NAA15: variants seen among roughly 807,000 people sequenced by gnomAD.
NAA15 encodes N-terminal acetyltransferase.
Under a neutral mutation model 114.0 loss-of-function variants are expected in NAA15, and 34 were observed. The ratio of observed to expected loss-of-function variants is 0.30; its 90% CI spans 0.23 to 0.40. The LOEUF (loss-of-function observed/expected upper bound fraction) is 0.40, where lower values mean the gene tolerates loss of function less well. Among genes scored for constraint, NAA15 ranks in the 10% least tolerant of loss-of-function variants. The pLI is 1.00. For synonymous variants in NAA15, 340 were observed against 338.0 expected, an observed-to-expected ratio of 1.01 and a Z score of -0.06; for missense variants, 658 against 1,004.5, an observed-to-expected ratio of 0.66 and a Z score of 4.66.
In NAA15 at chr4:139,351,542, G is replaced by A. The variant is rs1265025814; in HGVS notation, c.945G>A (p.Arg315=). ...KFKECLDKFL[R]MNFSKGCPPV... ...AAGAATGTTTGGATAAGTTCCTAAG[G>A]ATGAATTTCAGCAAGGGTTGCCCAC... is the stretch of plus-strand genomic sequence containing the variant. The change falls in exon 9 of 20, where the codon AGG becomes AGA. Residue 315 remains arginine, a synonymous_variant. Transcript: ENST00000296543. 1 of 1,607,168 alleles carries A rather than the reference G, an allele frequency of 6.2e-7. No homozygotes were observed. Among genetic ancestry groups the A allele is most frequent in the Non-Finnish European group, 8.5e-7 (1 of 1,174,120 alleles).
intron 17 of NAA15, among the ~76,000 whole-genome samples, chr4:139,384,018 C>T (rs373375727): frequency 1.1e-4 from 16 of 152,322 alleles, no homozygotes; most frequent in Middle Eastern, 3.4e-3. Flanking sequence ...TGCTGCTTTG[C>T]AGACCTTAAG....
chr4:139,388,661 T>C lies in NAA15; in HGVS notation c.*577T>C, dbSNP rs1207831872. 1.3e-5 allele frequency: 2 copies of C among 152,978 alleles called. No individual in the cohort carries two copies. Among genetic ancestry groups the C allele is most frequent in the African/African-American group, 4.8e-5 (2 of 41,448 alleles). The allele number at this position is 152,978 out of a possible 1,614,324, so 9.5% of individuals were successfully genotyped here. A position where few individuals can be genotyped will look rare whatever the true frequency, so the allele number is the denominator to read the frequency against. On this transcript the variant is annotated 3_prime_UTR_variant, in exon 20 of 20. Transcript: ENST00000296543. ...TGGGACATATAGATACCAAGCAAAA[T>C]TATAAGAAACCTATAAGGTGTTCAA... is the stretch of plus-strand genomic sequence containing the variant.
At chr4:139,322,720 CTTGCTCTG>C (rs1390444618) in intron 1 of NAA15, among the ~76,000 whole-genome samples, 4 of 152,176 alleles carry the variant, frequency 2.6e-5, no homozygotes, top group Non-Finnish European at 5.9e-5. Flanking sequence ...GAGACGGAGT[CTTGCTCTG>C]TTGCCCAGGC....
At position 139,359,853 on chromosome 4, in the gene NAA15, C is replaced by G. The variant is rs771201890; in HGVS notation, c.1368C>G (p.Asn456Lys). 50 of 1,605,288 alleles carry G rather than the reference C, an allele frequency of 3.1e-5. No individual in the cohort carries two copies. Among genetic ancestry groups the G allele is most frequent in the Non-Finnish European group, 1.7e-6 (2 of 1,178,326 alleles). ...SKCAKYMLKA[N>K]LIKEAEEMCS... is the part of the protein sequence containing the mutation. The stretch of plus-strand genomic sequence containing the variant: ...GTGCAAAATACATGCTAAAAGCCAA[C>G]CTGATTAAAGAAGCTGAAGAAATGT... The change falls in exon 12 of 20, where the codon AAC becomes AAG. Residue 456 changes from asparagine to lysine, a missense_variant. Around this residue, in one of 6 missense-constraint regions of NAA15, gnomAD observed 281 missense variants for 389.1 expected, o/e 0.72. Coordinates refer to ENST00000296543, the MANE Select transcript of NAA15 (RefSeq NM_057175.5).
At chr4:139,353,397 A>G (rs1288914013) in intron 9 of NAA15, among the ~76,000 whole-genome samples, 3 of 152,220 alleles carry the variant, frequency 2.0e-5, no homozygotes, top group Admixed American at 6.5e-5. Flanking sequence ...AGGTCATTCA[A>G]TAAAGCCATA....
rs964983501 is a variant in NAA15 at position 139,390,423 on chromosome 4, C to T, written c.*2339C>T. On this transcript the variant is annotated 3_prime_UTR_variant, in exon 20 of 20. Coordinates refer to ENST00000296543, the MANE Select transcript of NAA15 (RefSeq NM_057175.5). ...CTCTGAGTAGTATCAACTGGATCGT[C>T]TCATATTTGCCTCATTCATCCTATT... 6.6e-6 allele frequency: 1 copy of T among 152,546 alleles called. No individual in the cohort carries two copies. The highest frequency in any genetic ancestry group is 1.5e-5 in the Non-Finnish European group (1 of 68,012). The allele number at this position is 152,546 out of a possible 1,614,324, so 9.4% of individuals were successfully genotyped here.
intron 1 of NAA15, among the ~76,000 whole-genome samples, chr4:139,325,550 T>G (rs1040241976): frequency 2.6e-4 from 39 of 152,370 alleles, no homozygotes; most frequent in African/African-American, 9.1e-4. Context: ...TAAAGGTGTT[T>G]CCAGTCACAC....
At chr4:139,364,616 TG>T (rs1248199220) in intron 14 of NAA15, among the ~76,000 whole-genome samples, 1 of 152,238 alleles carries the variant, frequency 6.6e-6, no homozygotes, top group Non-Finnish European at 1.5e-5. Flanking sequence ...CATGGTTTCT[TG>T]GTCTAACATA....
At chr4:139,343,013 A>G (rs1747464473) in intron 5 of NAA15, 53 bp downstream of exon 5, 2 of 1,474,554 alleles carry the variant, frequency 1.4e-6, no homozygotes, top group Non-Finnish European at 1.9e-6. Context: ...AACTAAAAAA[A>G]TAATGTGCAT....
chr4:139,342,454 G>A (rs6810960), intron 4 of NAA15, among the ~76,000 whole-genome samples: 39,934 of 150,674 alleles, frequency 0.27, 5,619 homozygotes, highest in African/African-American at 0.35. Context: ...TAAAATGCTT[G>A]GGGTTGTGGG....
chr4:139,330,955 A>G (rs958574448), intron 1 of NAA15, among the ~76,000 whole-genome samples: 7 of 152,194 alleles, frequency 4.6e-5, no homozygotes, highest in Non-Finnish European at 8.8e-5. Flanking sequence ...ATTTTCTACC[A>G]TGATTTTTGT....
chr4:139,331,579 T>G (rs1470571773), intron 1 of NAA15, among the ~76,000 whole-genome samples: 1 of 151,480 alleles, frequency 6.6e-6, no homozygotes, highest in East Asian at 1.9e-4. Context: ...CCCAAGTAGC[T>G]GGGATTACAG....
intron 11 of NAA15, among the ~76,000 whole-genome samples, chr4:139,357,769 G>A (rs970132936): frequency 6.6e-6 from 1 of 152,106 alleles, no homozygotes; most frequent in South Asian, 2.1e-4. Context: ...ACACACATAC[G>A]TACATACATT....
At chr4:139,314,291 C>T (rs761337663) in intron 1 of NAA15, among the ~76,000 whole-genome samples, 70 of 151,794 alleles carry the variant, frequency 4.6e-4, no homozygotes, top group Non-Finnish European at 1.0e-3. Context: ...AGGTGTGTGT[C>T]TGGGTGCTGC....
rs1322972174 is a variant in NAA15, at chr4:139,352,388, C to T, written c.1014+777C>T. Among the ~76,000 whole-genome samples the T allele has an allele frequency of 2.0e-5, 3 of 151,872 alleles. No homozygotes were observed. The East Asian group carries it at 5.9e-4, about 30-fold the overall frequency. On this transcript the variant is annotated intron_variant, in intron 9 of 19. Transcript: ENST00000296543. ...CCTCCCAAAGTGCTGGGATTACAAGCGTGAGCCACCGTGCCTGGCCAAGGG... is the reference window on the plus strand; with the variant it reads ...CCTCCCAAAGTGCTGGGATTACAAGTGTGAGCCACCGTGCCTGGCCAAGGG...
intron 3 of NAA15, among the ~76,000 whole-genome samples, chr4:139,340,368 T>C (rs998904288): frequency 6.6e-6 from 1 of 152,132 alleles, no homozygotes; most frequent in African/African-American, 2.4e-5. Flanking sequence ...TGAATGAATG[T>C]TTTTATTTTA....
intron 6 of NAA15, among the ~76,000 whole-genome samples, chr4:139,347,952 A>C (rs974143828): frequency 3.3e-5 from 5 of 151,304 alleles, no homozygotes; most frequent in Non-Finnish European, 7.4e-5. Flanking sequence ...GAATGGCGTG[A>C]ACCCGGGAAG....
In NAA15 at chr4:139,361,868, A is replaced by T; in HGVS notation, c.1684A>T (p.Ile562Leu). The change falls in exon 14 of 20, where the codon ATA (isoleucine) becomes TTA (leucine). Residue 562 changes from isoleucine to leucine, a missense_variant. Ile to Leu is a conservative substitution (Grantham distance 5, BLOSUM62 2). Around this residue, in one of 6 missense-constraint regions of NAA15, gnomAD observed 275 missense variants for 371.1 expected, o/e 0.74. Transcript: ENST00000296543. ...PFYFKAARIA[I>L]EIYLKLHDNP... is the part of the protein sequence containing the mutation. The stretch of plus-strand genomic sequence containing the variant: ...TTACTTCAAGGCAGCAAGAATTGCT[A>T]TAGAGATCTATTTGAAGCTTCATGA... 1 of 1,613,804 alleles carries T rather than the reference A, an allele frequency of 6.2e-7. No individual in the cohort carries two copies. The highest frequency in any genetic ancestry group is 8.5e-7 in the Non-Finnish European group (1 of 1,179,816).
chr4:139,382,652 C>G (rs1470959750), intron 17 of NAA15, among the ~76,000 whole-genome samples: 1 of 151,914 alleles, frequency 6.6e-6, no homozygotes, highest in African/African-American at 2.4e-5. Context: ...TTTTCTGTTT[C>G]CTCTCTATTC....
Sources: gnomAD v4.1 joint callset for allele counts (sites outside exome capture counted in the v4.1 genomes callset) on GRCh38, gnomAD v4.1.1 for gene constraint, gnomAD v4.1.1 regional missense constraint, MANE v1.5 for transcripts, NCBI Gene and HGNC (gene_info 2026-07-23, HGNC 2026-07-21) for gene names.